Variants in HECTD4 observed in about 807,000 individuals in gnomAD.
HECTD4 encodes HECT domain E3 ubiquitin protein ligase 4.
Under a neutral mutation model 471.5 loss-of-function variants are expected in HECTD4, and 114 were observed. The observed-to-expected ratio is 0.24, with a 90% confidence interval of 0.21 to 0.28. The LOEUF is 0.28. Among genes scored for constraint, HECTD4 ranks in the 10% least tolerant of loss-of-function variants. The pLI is 1.00. For missense variants in HECTD4, 3,866 were observed against 5,651.5 expected (o/e 0.68, Z 10.13); for synonymous variants, 2,012 against 2,256.0 (o/e 0.89, Z 3.07).
Position 112,176,579 on chromosome 12 carries a change from C to A in HECTD4, c.11470+17G>T. ...AAGTAGGTCCCAGCCCACTCCAGGC[C>A]CCGTCTGCTCATTCACCTTCTTGTT... On this transcript the variant is annotated intron_variant, in intron 65 of 75. Coordinates refer to ENST00000682272, the MANE Select transcript of HECTD4 (RefSeq NM_001388303.1). The A allele has an allele frequency of 2.5e-6, 4 of 1,573,238 alleles. No homozygotes were observed. In the South Asian group the frequency reaches 4.4e-5, roughly 17 times the overall value.
intron 32 of HECTD4, among the ~76,000 whole-genome samples, chr12:112,242,457 AAATAC>A (rs2033661811): frequency 6.6e-6 from 1 of 151,786 alleles, no homozygotes. Context: ...TACAAAAAAT[AAATAC>A]ATTAGCTGGG....
chr12:112,184,983 C>A lies in HECTD4; in HGVS notation c.9983G>T (p.Arg3328Leu). ...CGAGTCCACGGTGCGGGAAGACTGGCGCTTGCCCGACGAGGAGGCCTTTTC... is the reference window on the plus strand; with the variant it reads ...CGAGTCCACGGTGCGGGAAGACTGGAGCTTGCCCGACGAGGAGGCCTTTTC... ...KREKASSSGK[R>L]QSSRTVDSDP... Residue 3328 changes from arginine to leucine, a missense_variant, in exon 61 of 76, where the codon CGC (arginine) becomes CTC (leucine). Around this residue, in one of 16 missense-constraint regions of HECTD4, gnomAD observed 57 missense variants for 49.8 expected, o/e 1.14. Coordinates refer to ENST00000682272, the MANE Select transcript of HECTD4 (RefSeq NM_001388303.1). This position sits in a 1 kb window ranked among gnomAD's most constrained non-coding sequence, Gnocchi z 9.1. The A allele has an allele frequency of 6.2e-7, 1 of 1,612,838 alleles. No homozygotes were observed. Among genetic ancestry groups the A allele is most frequent in the Non-Finnish European group, 8.5e-7 (1 of 1,179,504 alleles).
chr12:112,256,111 A>G (rs75040473), intron 21 of HECTD4, among the ~76,000 whole-genome samples: 2,329 of 152,286 alleles, frequency 0.015, 68 homozygotes, highest in African/African-American at 0.053. Flanking sequence ...TCATTAAAAC[A>G]TTGTTCTTAG....
intron 10 of HECTD4, 144 bp from the exon 11 acceptor site, chr12:112,273,939 G>A: frequency 1.1e-6 from 1 of 894,578 alleles, no homozygotes; most frequent in Non-Finnish European, 1.6e-6. Flanking sequence ...GATTTATTTG[G>A]TAAGGCACTA....
rs2031580402 is a variant in HECTD4 at position 112,179,401 on chromosome 12, T to C, written c.10988-4A>G. 6.2e-7 allele frequency: 1 copy of C among 1,607,198 alleles called. No homozygotes were observed. Among genetic ancestry groups the C allele is most frequent in the Non-Finnish European group, 8.5e-7 (1 of 1,176,674 alleles). On this transcript the variant is annotated splice_polypyrimidine_tract_variant and splice_region_variant and intron_variant, in intron 62 of 75. Transcript: ENST00000682272. The surrounding 1 kb of genome is among the most constrained non-coding windows in gnomAD (Gnocchi z 4.3). ...GCTCCGGGCACCAGCTTCTCCCCTG[T>C]TGGATGGAGAGGGGGCAAAACAATT... is the stretch of plus-strand genomic sequence containing the variant.
At position 112,258,568 on chromosome 12, in the gene HECTD4, G is replaced by A. The variant is rs1484981990; in HGVS notation, c.3056C>T (p.Pro1019Leu). Residue 1019 changes from proline to leucine, a missense_variant, in exon 20 of 76, where the codon CCG (proline) becomes CTG (leucine). This residue lies in a region of HECTD4 where 525 missense variants were observed against 672.6 expected (regional missense o/e 0.78). Coordinates refer to ENST00000682272, the MANE Select transcript of HECTD4 (RefSeq NM_001388303.1). ...QTALLLKTQC[P>L]VFAEVGCSPC... is the part of the protein sequence containing the mutation. ...GGAACAGCCCACCTCAGCAAAAACC[G>A]GACACTGGGTTTTAAGCAGCAACGC... is the stretch of plus-strand genomic sequence containing the variant. 67 of 1,605,530 alleles carry A rather than the reference G, an allele frequency of 4.2e-5. No individual in the cohort carries two copies. The highest frequency in any genetic ancestry group is 5.3e-5 in the Non-Finnish European group (62 of 1,176,732).
intron 1 of HECTD4, among the ~76,000 whole-genome samples, chr12:112,380,997 A>G (rs909299924): frequency 2.0e-5 from 3 of 152,156 alleles, no homozygotes; most frequent in African/African-American, 7.2e-5. Context: ...TTACGGCAGT[A>G]AAAATTTGAT....
At chr12:112,255,699 A>G (rs1434973227) in intron 21 of HECTD4, among the ~76,000 whole-genome samples, 3 of 152,198 alleles carry the variant, frequency 2.0e-5, no homozygotes, top group Admixed American at 1.3e-4. Flanking sequence ...CATATGTTAC[A>G]TATTTCATTA....
At chr12:112,219,345 G>T in intron 45 of HECTD4, 41 bp downstream of exon 45, 1 of 1,420,070 alleles carries the variant, frequency 7.0e-7, no homozygotes, top group Non-Finnish European at 9.9e-7. Flanking sequence ...AGTGATGTGT[G>T]TGGAGGCTGC....
chr12:112,268,878 T>G (rs1193882942), intron 13 of HECTD4, among the ~76,000 whole-genome samples: 1 of 130,010 alleles, frequency 7.7e-6, no homozygotes, highest in Non-Finnish European at 1.7e-5. Flanking sequence ...GTTTTTTTTT[T>G]TTTTTTTTTT....
At position 112,184,318 on chromosome 12, in the gene HECTD4, C is replaced by T; in HGVS notation, c.10648G>A (p.Gly3550Ser). Residue 3550 changes from glycine (G) to serine (S), a missense_variant, in exon 61 of 76, where the codon GGC becomes AGC. This residue lies in a region of HECTD4 where 192 missense variants were observed against 189.9 expected (regional missense o/e 1.01). Coordinates refer to ENST00000682272, the MANE Select transcript of HECTD4 (RefSeq NM_001388303.1). The surrounding 1 kb of genome is among the most constrained non-coding windows in gnomAD (Gnocchi z 9.1). The stretch of plus-strand genomic sequence containing the variant: ...TTGTCCAGGGGCTCCCCCAGGCTGC[C>T]CAGGCTGCCCAGGCTGCCGGTGCTG... ...LCSTGSLGSL[G>S]SLGEPLDNAE... 1 of 1,613,174 alleles carries T rather than the reference C, an allele frequency of 6.2e-7. No homozygotes were observed. The highest frequency in any genetic ancestry group is 1.3e-5 in the African/African-American group (1 of 75,044).
intron 1 of HECTD4, among the ~76,000 whole-genome samples, chr12:112,340,527 T>C (rs2036036442): frequency 6.6e-6 from 1 of 152,140 alleles, no homozygotes; most frequent in African/African-American, 2.4e-5. Context: ...GTCGCAAGTA[T>C]AGACGAGCTA....
intron 69 of HECTD4, 167 bp from the exon 70 acceptor site, chr12:112,169,825 T>C (rs1303795398): frequency 2.6e-6 from 2 of 776,490 alleles, no homozygotes; most frequent in Non-Finnish European, 4.3e-6. Flanking sequence ...GAGCCTTCTG[T>C]GCCTTAGCAC....
chr12:112,220,932 T>A (rs182070376), intron 44 of HECTD4, among the ~76,000 whole-genome samples: 1 of 152,206 alleles, frequency 6.6e-6, no homozygotes, highest in African/African-American at 2.4e-5. Flanking sequence ...CTGGGAGACA[T>A]AGTGAGACCC....
chr12:112,162,837 G>A lies in HECTD4; in HGVS notation c.13120+205C>T, dbSNP rs533769191. 3.6e-6 allele frequency: 2 copies of A among 555,012 alleles called. No homozygotes were observed. Among genetic ancestry groups the A allele is most frequent in the South Asian group, 5.5e-5 (2 of 36,640 alleles). The allele number at this position is 555,012 out of a possible 1,614,324, so 34.4% of individuals were successfully genotyped here. Reference sequence around the variant, plus strand: ...AGATTTGAAGCATTCTGGATTTTCAGCTTCTTTTAAGATATGAGAAAGTAT... The same window carrying A: ...AGATTTGAAGCATTCTGGATTTTCAACTTCTTTTAAGATATGAGAAAGTAT... On this transcript the variant is annotated intron_variant, in intron 75 of 75. Coordinates refer to ENST00000682272, the MANE Select transcript of HECTD4 (RefSeq NM_001388303.1). This position sits in a 1 kb window ranked among gnomAD's most constrained non-coding sequence, Gnocchi z 5.2.
At chr12:112,349,207 G>A (rs1319439774) in intron 1 of HECTD4, among the ~76,000 whole-genome samples, 1 of 152,004 alleles carries the variant, frequency 6.6e-6, no homozygotes, top group Admixed American at 6.6e-5. Context: ...AGCCAATATG[G>A]TGAAACCCCA....
At chr12:112,302,036 T>G (rs1048814659) in intron 7 of HECTD4, 2 of 1,211,396 alleles carry the variant, frequency 1.7e-6, no homozygotes, top group African/African-American at 3.0e-5. Flanking sequence ...CAAAGCGCCT[T>G]TGTCTTCCAA....
chr12:112,337,955 G>A (rs916998431), intron 1 of HECTD4, among the ~76,000 whole-genome samples: 2 of 152,186 alleles, frequency 1.3e-5, no homozygotes, highest in Admixed American at 6.6e-5. Context: ...TGCTGAAAAT[G>A]CATTATATTA....
Position 112,164,097 on chromosome 12 carries a change from G to C in HECTD4, c.12701+12C>G. The C allele has an allele frequency of 1.3e-6, 2 of 1,534,066 alleles. No individual in the cohort carries two copies. Among genetic ancestry groups the C allele is most frequent in the Non-Finnish European group, 1.8e-6 (2 of 1,137,080 alleles). ...CAGCCCCTGCCAGCCCCTGACACGC[G>C]CACACACTCACGCCACAAGGATGTG... is the stretch of plus-strand genomic sequence containing the variant. On this transcript the variant is annotated intron_variant, in intron 73 of 75. Coordinates refer to ENST00000682272, the MANE Select transcript of HECTD4 (RefSeq NM_001388303.1).
Sources: allele counts gnomAD v4.1 joint callset (sites outside exome capture counted in the v4.1 genomes callset), GRCh38; gene constraint gnomAD v4.1.1; regional missense constraint gnomAD v4.1.1; non-coding constraint Gnocchi (gnomAD v3.1); transcripts MANE v1.5; gene names NCBI Gene and HGNC (gene_info 2026-07-23, HGNC 2026-07-21).